The following NAT10 variants were observed in gnomAD, a reference collection of about 807,000 sequenced individuals.
NAT10 encodes N-acetyltransferase 10.
In NAT10, 109 loss-of-function variants were observed where a neutral mutation model predicts 132.2. The ratio of observed to expected loss-of-function variants is 0.82; its 90% CI spans 0.71 to 0.97. The LOEUF is 0.97. Ranked by LOEUF, NAT10 falls within the 50% of genes least tolerant of loss-of-function variation. The pLI is 0.00. For missense variants in NAT10, 1,184 were observed against 1,263.4 expected (o/e 0.94, Z 0.95); for synonymous variants, 479 against 478.0 (o/e 1.00, Z -0.03).
At chr11:34,138,488 G>T (rs1390356061) in intron 21 of NAT10, among the ~76,000 whole-genome samples, 2 of 152,212 alleles carry the variant, frequency 1.3e-5, no homozygotes, top group Non-Finnish European at 2.9e-5. Context: ...GGCTGCTTCC[G>T]TGCAGGCAGG....
At chr11:34,132,259 A>G in intron 15 of NAT10, 38 bp downstream of exon 15, 1 of 1,521,102 alleles carries the variant, frequency 6.6e-7, no homozygotes, top group Non-Finnish European at 9.1e-7. Flanking sequence ...GGTAGCAGGG[A>G]GCTTCAGCAT....
At chr11:34,134,057 G>T (rs1324389550) in intron 16 of NAT10, among the ~76,000 whole-genome samples, 1 of 151,906 alleles carries the variant, frequency 6.6e-6, no homozygotes, top group Non-Finnish European at 1.5e-5. Flanking sequence ...CCAGCTACTC[G>T]GGAGGCTGAG....
At position 34,140,451 on chromosome 11, in the gene NAT10, G is replaced by A. The variant is rs199507528; in HGVS notation, c.2471G>A (p.Arg824Gln). ...CTCTTCCTCCCCTATGACCTGAAGC[G>A]GCTGGAGATGTATTCACGGAATATG... ...EALFLPYDLK[R>Q]LEMYSRNMVD... The change falls in exon 24 of 29, where the codon CGG (arginine) becomes CAG (glutamine). Residue 824 changes from arginine (R) to glutamine (Q), a missense_variant. By Grantham distance (43) the Arg-to-Gln change is conservative. Coordinates refer to ENST00000257829, the MANE Select transcript of NAT10 (RefSeq NM_024662.3). The A allele has an allele frequency of 1.9e-5, 31 of 1,614,224 alleles. No homozygotes were observed. Among genetic ancestry groups the A allele is most frequent in the East Asian group, 4.5e-5 (2 of 44,892 alleles).
At chr11:34,139,119 T>C in intron 21 of NAT10, 72 bp from the exon 22 acceptor site, 2 of 1,355,436 alleles carry the variant, frequency 1.5e-6, no homozygotes, top group South Asian at 2.3e-5. Flanking sequence ...TCTGAGTGTT[T>C]ACCCTTCATC....
chr11:34,134,136 C>G (rs1852161348), intron 16 of NAT10, among the ~76,000 whole-genome samples, 183 bp from the exon 17 acceptor site: 1 of 152,142 alleles, frequency 6.6e-6, no homozygotes, highest in Non-Finnish European at 1.5e-5. Context: ...TGCACTCCAG[C>G]CTGGGCGACA....
At chr11:34,116,513 G>C (rs898150959) in intron 6 of NAT10, among the ~76,000 whole-genome samples, 2 of 151,700 alleles carry the variant, frequency 1.3e-5, no homozygotes, top group African/African-American at 4.9e-5. Flanking sequence ...TTGCCTCCCA[G>C]GTCGAGTGAT....
chr11:34,124,257 T>C (rs749230493), intron 10 of NAT10, 45 bp from the exon 11 acceptor site: 4 of 1,332,762 alleles, frequency 3.0e-6, no homozygotes, highest in Non-Finnish European at 3.2e-6. Context: ...ATTTAGTTTC[T>C]GAAACTTGTT....
In NAT10 at chr11:34,118,258, C is replaced by T. The variant is rs368779907; in HGVS notation, c.636C>T (p.His212=). The change falls in exon 7 of 29, where the codon CAC becomes CAT. Residue 212 remains histidine (H), a synonymous_variant. Coordinates refer to ENST00000257829, the MANE Select transcript of NAT10 (RefSeq NM_024662.3). ...DQLNILPISS[H]VATMEALPPQ... ...TCAACATCCTGCCCATCTCCTCCCACGTTGCCACCATGGAGGCCCTGCCTC... is the reference window on the plus strand; with the variant it reads ...TCAACATCCTGCCCATCTCCTCCCATGTTGCCACCATGGAGGCCCTGCCTC... 1.5e-5 allele frequency: 25 copies of T among 1,614,022 alleles called. No homozygotes were observed. Among genetic ancestry groups the T allele is most frequent in the African/African-American group, 1.1e-4 (8 of 74,930 alleles).
At chr11:34,118,552 A>G in intron 8 of NAT10, 49 bp downstream of exon 8, 2 of 1,501,126 alleles carry the variant, frequency 1.3e-6, no homozygotes, top group Non-Finnish European at 9.1e-7. Context: ...AAAACATAGC[A>G]TACGGAGCGT....
intron 14 of NAT10, 127 bp from the exon 15 acceptor site, chr11:34,131,993 CTTCTT>C: frequency 2.8e-6 from 2 of 726,442 alleles, no homozygotes; most frequent in Non-Finnish European, 4.9e-6. Context: ...CCTCTTCTTC[CTTCTT>C]TTATGTGTTT....
chr11:34,108,153 G>C (rs558006885), intron 1 of NAT10, 58 bp from the exon 2 acceptor site: 1 of 1,213,088 alleles, frequency 8.2e-7, no homozygotes, highest in African/African-American at 1.5e-5. Flanking sequence ...AAGGCAGCCA[G>C]CTAATGTTCC....
At position 34,108,857 on chromosome 11, in the gene NAT10, T is replaced by C. The variant is rs371337207; in HGVS notation, c.200+24T>C. On this transcript the variant is annotated intron_variant, in intron 3 of 28. Coordinates refer to ENST00000257829, the MANE Select transcript of NAT10 (RefSeq NM_024662.3). Reference sequence around the variant, plus strand: ...AGGTAAGCTGGGCTCTTCATGTGTTTTATCCAACTTACAATTCCTGCTCAT... The same window carrying C: ...AGGTAAGCTGGGCTCTTCATGTGTTCTATCCAACTTACAATTCCTGCTCAT... The C allele has an allele frequency of 1.1e-5, 17 of 1,578,078 alleles. No individual in the cohort carries two copies. The African/African-American group carries it at 2.1e-4, about 19-fold the overall frequency.
At chr11:34,112,294 C>G in intron 4 of NAT10, 71 bp downstream of exon 4, 1 of 1,564,380 alleles carries the variant, frequency 6.4e-7, no homozygotes, top group Non-Finnish European at 8.8e-7. Context: ...TGGCTTTCCA[C>G]TGGGAACAGA....
At chr11:34,135,144 T>C (rs1852185072) in intron 18 of NAT10, 31 bp from the exon 19 acceptor site, 1 of 1,570,972 alleles carries the variant, frequency 6.4e-7, no homozygotes. Flanking sequence ...CTCTCTTCCC[T>C]CGGCCTCTTC....
rs560974818 is a variant in NAT10 at position 34,133,366 on chromosome 11, C to T, written c.1734+224C>T. ...TTGACGGACGGGGAAAAGCCAGAAC[C>T]GACCGCTCTCTTATTTTGACTCACA... On this transcript the variant is annotated intron_variant, in intron 16 of 28. Transcript: ENST00000257829. Among the ~76,000 whole-genome samples the T allele has an allele frequency of 7.9e-5, 12 of 152,268 alleles. No individual in the cohort carries two copies. The South Asian group carries it at 2.5e-3, about 32-fold the overall frequency.
chr11:34,108,495 C>G (rs867550268), intron 2 of NAT10, among the ~76,000 whole-genome samples, 162 bp downstream of exon 2: 1 of 152,206 alleles, frequency 6.6e-6, no homozygotes, highest in Non-Finnish European at 1.5e-5. Context: ...GGTGAATTCT[C>G]TGTATTTAGA....
At chr11:34,121,533 G>C (rs544369408) in intron 8 of NAT10, among the ~76,000 whole-genome samples, 1 of 152,024 alleles carries the variant, frequency 6.6e-6, no homozygotes, top group African/African-American at 2.4e-5. Flanking sequence ...GTACAAATGG[G>C]AATGTACAGG....
intron 28 of NAT10, among the ~76,000 whole-genome samples, chr11:34,145,223 A>G (rs963831823): frequency 6.6e-6 from 1 of 152,202 alleles, no homozygotes; most frequent in African/African-American, 2.4e-5. Context: ...CATTGCTGGT[A>G]GTGAGAAGCC....
intron 4 of NAT10, among the ~76,000 whole-genome samples, chr11:34,112,947 C>A (rs909164619): frequency 1.3e-5 from 2 of 152,240 alleles, no homozygotes; most frequent in Admixed American, 6.5e-5. Flanking sequence ...TATACACTTA[C>A]AACTGTGCCC....
Sources: gnomAD v4.1 joint callset for allele counts (sites outside exome capture counted in the v4.1 genomes callset) on GRCh38, gnomAD v4.1.1 for gene constraint, MANE v1.5 for transcripts, NCBI Gene and HGNC (gene_info 2026-07-23, HGNC 2026-07-21) for gene names.